SAMD8: variants seen among roughly 807,000 people sequenced by gnomAD.
SAMD8 encodes the protein sphingomyelin synthase-related protein 1.
SAMD8 carries 20 observed loss-of-function variants against 42.0 expected under a neutral mutation model. The ratio of observed to expected loss-of-function variants is 0.48; its 90% confidence interval spans 0.34 to 0.69. SAMD8 has a LOEUF of 0.69. Ranked by LOEUF, SAMD8 falls within the 30% of genes least tolerant of loss-of-function variation. SAMD8 has a pLI of 0.01. For missense variants in SAMD8, 328 were observed against 511.6 expected, an observed-to-expected ratio of 0.64 and a Z score of 3.46; for synonymous variants, 162 against 173.0, an observed-to-expected ratio of 0.94 and a Z score of 0.50.
At chr10:75,103,511 T>C (rs749536348) in intron 1 of SAMD8, among the ~76,000 whole-genome samples, 2 of 152,164 alleles carry the variant, frequency 1.3e-5, no homozygotes, top group African/African-American at 2.4e-5. Context: ...CTTTAAGGTC[T>C]CTCCCCATGC....
chr10:75,109,514 T>C (rs1848711883), upstream of SAMD8, among the ~76,000 whole-genome samples: 1 of 152,148 alleles, frequency 6.6e-6, no homozygotes, highest in South Asian at 2.1e-4. Context: ...GTGGAATTAG[T>C]AGATGTAGAG....
At chr10:75,140,739 G>A (rs1447769665) in intron 1 of SAMD8, among the ~76,000 whole-genome samples, 1 of 152,218 alleles carries the variant, frequency 6.6e-6, no homozygotes, top group Non-Finnish European at 1.5e-5. Context: ...TGTATAATAA[G>A]TGTTTAAATC....
intron 1 of SAMD8, among the ~76,000 whole-genome samples, chr10:75,121,745 G>A (rs1458976922): frequency 6.6e-6 from 1 of 151,872 alleles, no homozygotes; most frequent in African/African-American, 2.4e-5. Context: ...AGGCTGGAGT[G>A]CAGTGGTGCG....
At chr10:75,153,765 G>GT (rs371097075) in intron 2 of SAMD8, among the ~76,000 whole-genome samples, 27,462 of 146,956 alleles carry the variant, frequency 0.19, 2,685 homozygotes, top group East Asian at 0.25. Flanking sequence ...TAGTAAAGAG[G>GT]TTTTTTTTTT....
intron 1 of SAMD8, chr10:75,105,910 G>A (rs140321335): frequency 0.017 from 26,542 of 1,528,576 alleles, 325 homozygotes; most frequent in Non-Finnish European, 0.022. Context: ...CCCACACACC[G>A]GCCCACCCAC....
At chr10:75,147,306 A>T (rs976823889) in intron 1 of SAMD8, among the ~76,000 whole-genome samples, 1 of 152,038 alleles carries the variant, frequency 6.6e-6, no homozygotes, top group Non-Finnish European at 1.5e-5. Flanking sequence ...GACTGAAGAA[A>T]TCTGGCCTTG....
At chr10:75,128,035 C>T (rs1192983207) in intron 1 of SAMD8, among the ~76,000 whole-genome samples, 1 of 149,122 alleles carries the variant, frequency 6.7e-6, no homozygotes, top group Non-Finnish European at 1.5e-5. Flanking sequence ...TAACAGCCCT[C>T]TAAAATTAAT....
chr10:75,137,770 G>A (rs780537909), intron 1 of SAMD8, among the ~76,000 whole-genome samples: 1 of 152,158 alleles, frequency 6.6e-6, no homozygotes, highest in Non-Finnish European at 1.5e-5. Flanking sequence ...TGCTTGGAGT[G>A]ATGATGAAGT....
At chr10:75,128,745 T>C (rs998336753) in intron 1 of SAMD8, among the ~76,000 whole-genome samples, 13 of 152,162 alleles carry the variant, frequency 8.5e-5, no homozygotes, top group African/African-American at 3.1e-4. Context: ...AATTATTGAT[T>C]AGAAGTGGTA....
chr10:75,113,865 G>A (rs1484189249), intron 1 of SAMD8, among the ~76,000 whole-genome samples: 1 of 152,118 alleles, frequency 6.6e-6, no homozygotes, highest in African/African-American at 2.4e-5. Context: ...TAAAAGTCAT[G>A]GCATGTAAAA....
At chr10:75,108,902 G>C (rs1589923326), upstream of SAMD8, 1 of 1,438,010 alleles carries the variant, frequency 7.0e-7, no homozygotes, top group East Asian at 2.6e-5. Flanking sequence ...GGGATGGTCA[G>C]AGCAGAGCTA....
At chr10:75,148,628 C>T (rs1188117387) in intron 1 of SAMD8, among the ~76,000 whole-genome samples, 1 of 152,166 alleles carries the variant, frequency 6.6e-6, no homozygotes, top group Non-Finnish European at 1.5e-5. Context: ...GCTGGGATTA[C>T]AGGCGTGAGC....
chr10:75,115,422 A>G (rs139686836), intron 1 of SAMD8, among the ~76,000 whole-genome samples: 2 of 152,302 alleles, frequency 1.3e-5, no homozygotes, highest in East Asian at 3.9e-4. Context: ...ACACTGGGAA[A>G]ACAGATTGGT....
intron 4 of SAMD8, among the ~76,000 whole-genome samples, chr10:75,169,343 G>A (rs974609612): frequency 6.6e-6 from 1 of 151,260 alleles, no homozygotes; most frequent in Non-Finnish European, 1.5e-5. Flanking sequence ...AAATTAGCCA[G>A]GTGCAGTGGT....
chr10:75,127,078 ACT>A (rs1408940374), intron 1 of SAMD8, among the ~76,000 whole-genome samples: 1 of 151,424 alleles, frequency 6.6e-6, no homozygotes, highest in African/African-American at 2.4e-5. Context: ...AGTCCCAACT[ACT>A]CGGGAGGCTG....
intron 1 of SAMD8, among the ~76,000 whole-genome samples, chr10:75,126,230 A>G (rs1042043763): frequency 1.3e-5 from 2 of 152,200 alleles, no homozygotes; most frequent in African/African-American, 4.8e-5. Flanking sequence ...TGATTTTACC[A>G]ACTGGAAATA....
intron 1 of SAMD8, among the ~76,000 whole-genome samples, chr10:75,147,515 AC>A (rs937455834): frequency 2.0e-5 from 3 of 151,850 alleles, no homozygotes; most frequent in African/African-American, 7.3e-5. Context: ...TTTAGTAGAG[AC>A]GGGGTTTCAC....
At chr10:75,102,199 G>A (rs543199786) in intron 1 of SAMD8, among the ~76,000 whole-genome samples, 6 of 152,174 alleles carry the variant, frequency 3.9e-5, no homozygotes, top group African/African-American at 7.2e-5. Context: ...AGAAGGGGCC[G>A]GGCGCGGTGG....
intron 1 of SAMD8, among the ~76,000 whole-genome samples, chr10:75,148,346 C>CT (rs60024591): frequency 0.013 from 1,061 of 82,528 alleles, 34 homozygotes; most frequent in Non-Finnish European, 0.015. Flanking sequence ...GCAATACCAG[C>CT]TTTTTTTTTT....
Sources: gnomAD v4.1 joint callset for allele counts (sites outside exome capture counted in the v4.1 genomes callset) on GRCh38, gnomAD v4.1.1 for gene constraint, MANE v1.5 for transcripts, NCBI Gene and HGNC (gene_info 2026-07-23, HGNC 2026-07-21) for gene names.